EIF4A3: variants seen among roughly 807,000 people sequenced by gnomAD.
The protein encoded by EIF4A3 is eukaryotic initiation factor 4A-III.
A neutral mutation model predicts 55.6 loss-of-function variants in EIF4A3; 1 was observed. The observed-to-expected ratio is 0.02, with a 90% confidence interval of 0.01 to 0.09. The LOEUF is 0.09. EIF4A3 is among the 10% of genes least tolerant of loss of function. The pLI, the probability that EIF4A3 is intolerant of heterozygous loss-of-function variation, is 1.00. For missense variants in EIF4A3, 221 were observed against 540.7 expected, an observed-to-expected ratio of 0.41 and a Z score of 5.86; for synonymous variants, 194 against 196.3, an observed-to-expected ratio of 0.99 and a Z score of 0.10.
chr17:80,140,211 G>A (rs2039606062), intron 4 of EIF4A3, 71 bp from the exon 5 acceptor site: 2 of 1,426,196 alleles, frequency 1.4e-6, no homozygotes, highest in East Asian at 2.6e-5. Flanking sequence ...AAGAAAGACT[G>A]TTTCTCCTCC....
At chr17:80,145,096 G>A (rs1189971586) in intron 1 of EIF4A3, among the ~76,000 whole-genome samples, 1 of 152,218 alleles carries the variant, frequency 6.6e-6, no homozygotes, top group Non-Finnish European at 1.5e-5. Flanking sequence ...AACTCTTCAT[G>A]AAGAGCAAGC....
rs1399061283 is a variant in EIF4A3, at chr17:80,147,006, T to TCGCTGC, written c.-51_-46dup. 14 of 1,420,044 alleles carry TCGCTGC rather than the reference T, an allele frequency of 9.9e-6. No individual in the cohort carries two copies. The Admixed American group carries it at 2.7e-4, about 27-fold the overall frequency. The allele number at this position is 1,420,044 out of a possible 1,614,324, so 88.0% of individuals were successfully genotyped here. Reference sequence around the variant, plus strand: ...AGCACAGCGCGCGCCGCTGCCGACCTCGCTGCCGCTGCCGACCTCGCTGTG... The same window carrying TCGCTGC: ...AGCACAGCGCGCGCCGCTGCCGACCTCGCTGCCGCTGCCGCTGCCGACCTCGCTGTG... On this transcript the variant is annotated 5_prime_UTR_variant, in exon 1 of 12. Coordinates refer to ENST00000649764, the MANE Select transcript of EIF4A3 (RefSeq NM_014740.4).
At chr17:80,141,213 A>C (rs1350950395) in intron 4 of EIF4A3, 106 bp downstream of exon 4, 1 of 1,183,234 alleles carries the variant, frequency 8.5e-7, no homozygotes, top group African/African-American at 1.5e-5. Flanking sequence ...GAAAATTTTG[A>C]GGTATCAGAA....
intron 1 of EIF4A3, among the ~76,000 whole-genome samples, chr17:80,146,328 TCTC>T (rs939093159): frequency 6.6e-6 from 1 of 151,924 alleles, no homozygotes; most frequent in African/African-American, 2.4e-5. Flanking sequence ...TTACTAATTC[TCTC>T]CTCCTTCCCA....
At chr17:80,137,297 G>A in intron 9 of EIF4A3, 89 bp downstream of exon 9, 2 of 1,140,588 alleles carry the variant, frequency 1.8e-6, no homozygotes, top group Admixed American at 2.6e-5. Context: ...CCCCCCGGGT[G>A]TGGGGCCTGC....
chr17:80,146,906 T>C lies in EIF4A3; in HGVS notation c.56A>G (p.Lys19Arg). The C allele has an allele frequency of 1.2e-6, 2 of 1,610,290 alleles. No homozygotes were observed. Among genetic ancestry groups the C allele is most frequent in the South Asian group, 1.1e-5 (1 of 90,896 alleles). Residue 19 changes from lysine to arginine, a missense_variant, in exon 1 of 12, where the codon AAA (lysine) becomes AGA (arginine). Physicochemically the swap from Lys to Arg is conservative, Grantham distance 26. Coordinates refer to ENST00000649764, the MANE Select transcript of EIF4A3 (RefSeq NM_014740.4). ...TTCCACTTTAGTCATGTCTTCCTCT[T>C]TGAGCAGCCGCTTTCGCGCCGAGCC... The part of the protein sequence containing the change: ...TSGSARKRLL[K>R]EEDMTKVEFE...
Position 80,139,662 on chromosome 17 carries a change from G to T in EIF4A3, c.586+8C>A, listed in dbSNP as rs1315067995. 1 of 1,610,614 alleles carries T rather than the reference G, an allele frequency of 6.2e-7. No homozygotes were observed. The highest frequency in any genetic ancestry group is 1.7e-5 in the Admixed American group (1 of 59,664). On this transcript the variant is annotated splice_region_variant and intron_variant, in intron 6 of 11. Transcript: ENST00000649764. ...TCAGTAGAAGAGTAATTCTTTTGTT[G>T]CTCATACCTTTATTCAACATTTCAT...
chr17:80,137,935 C>T (rs1302201720), intron 8 of EIF4A3, among the ~76,000 whole-genome samples: 1 of 152,136 alleles, frequency 6.6e-6, no homozygotes, highest in Non-Finnish European at 1.5e-5. Context: ...TGGCTGATAT[C>T]GCTGTTCTGT....
At position 80,137,383 on chromosome 17, in the gene EIF4A3, C is replaced by T; in HGVS notation, c.983+3G>A. ...CTGCAGAGCCACAGCATAGCAGACC[C>T]ACCTGGCGCCCGACCGGAACTCCTT... is the stretch of plus-strand genomic sequence containing the variant. On this transcript the variant is annotated splice_donor_region_variant and intron_variant, in intron 9 of 11. Coordinates refer to ENST00000649764, the MANE Select transcript of EIF4A3 (RefSeq NM_014740.4). 3 of 1,612,860 alleles carry T rather than the reference C, an allele frequency of 1.9e-6. No homozygotes were observed. Among genetic ancestry groups the T allele is most frequent in the Non-Finnish European group, 2.5e-6 (3 of 1,179,524 alleles).
At chr17:80,141,895 C>A (rs375698755) in intron 2 of EIF4A3, 47 bp from the exon 3 acceptor site, 4 of 1,530,264 alleles carry the variant, frequency 2.6e-6, no homozygotes, top group Non-Finnish European at 3.6e-6. Context: ...GGACAGGCCA[C>A]GCCACAGCTG....
In EIF4A3 at chr17:80,146,953, G is replaced by T; in HGVS notation, c.9C>A (p.Thr3=). Residue 3 remains threonine, a synonymous_variant, in exon 1 of 12, where the codon ACC becomes ACA. Transcript: ENST00000649764. ...AGCCCGAGGTCGCCATCGTGGCCGT[G>T]GTCGCCATGATTCAGAGTCCGCGGA... is the stretch of plus-strand genomic sequence containing the variant. MA[T]TATMATSGSA... is the part of the protein sequence containing the mutation. The T allele has an allele frequency of 1.2e-6, 2 of 1,606,062 alleles. No individual in the cohort carries two copies. The highest frequency in any genetic ancestry group is 1.7e-6 in the Non-Finnish European group (2 of 1,177,822).
At chr17:80,144,853 C>T (rs1420716964) in intron 1 of EIF4A3, among the ~76,000 whole-genome samples, 1 of 152,186 alleles carries the variant, frequency 6.6e-6, no homozygotes, top group Non-Finnish European at 1.5e-5. Context: ...ACCATCACAC[C>T]ATCTCTCTTG....
At chr17:80,143,492 G>A (rs973070184) in intron 2 of EIF4A3, among the ~76,000 whole-genome samples, 4 of 152,132 alleles carry the variant, frequency 2.6e-5, no homozygotes. Flanking sequence ...CCTATCTCCA[G>A]GCAGGTGGTG....
intron 2 of EIF4A3, among the ~76,000 whole-genome samples, chr17:80,142,917 T>C (rs2039629414): frequency 6.6e-6 from 1 of 151,650 alleles, no homozygotes; most frequent in Admixed American, 6.6e-5. Flanking sequence ...TGTGTGCCTG[T>C]AGTCCCAGCT....
chr17:80,141,029 T>C (rs1048304318), intron 4 of EIF4A3, among the ~76,000 whole-genome samples: 1 of 152,112 alleles, frequency 6.6e-6, no homozygotes, highest in African/African-American at 2.4e-5. Flanking sequence ...ACTCCTGACC[T>C]CAGGTGATCC....
intron 1 of EIF4A3, among the ~76,000 whole-genome samples, chr17:80,145,341 G>T (rs1254315165): frequency 6.6e-6 from 1 of 152,162 alleles, no homozygotes; most frequent in Admixed American, 6.5e-5. Context: ...GAGGCTGGTG[G>T]ATCACTGAGG....
intron 8 of EIF4A3, 148 bp downstream of exon 8, chr17:80,137,994 C>G: frequency 9.4e-7 from 1 of 1,058,658 alleles, no homozygotes; most frequent in South Asian, 1.6e-5. Context: ...TGCATATTGT[C>G]TACAGCTGCT....
chr17:80,138,035 A>G (rs2039587155), intron 8 of EIF4A3, 107 bp downstream of exon 8: 2 of 1,434,692 alleles, frequency 1.4e-6, no homozygotes, highest in Admixed American at 4.0e-5. Context: ...CTGAAAGCTT[A>G]AAATATGGAC....
intron 2 of EIF4A3, among the ~76,000 whole-genome samples, chr17:80,143,507 T>C (rs745551606): frequency 6.6e-6 from 1 of 151,970 alleles, no homozygotes; most frequent in Non-Finnish European, 1.5e-5. Flanking sequence ...GTGGTGTGAG[T>C]TGAACTGGAG....
Sources: allele counts gnomAD v4.1 joint callset (sites outside exome capture counted in the v4.1 genomes callset), GRCh38; gene constraint gnomAD v4.1.1; transcripts MANE v1.5; gene names NCBI Gene and HGNC (gene_info 2026-07-23, HGNC 2026-07-21).